NDUFA5: variants seen among roughly 807,000 people sequenced by gnomAD.
NDUFA5 encodes the protein NADH dehydrogenase [ubiquinone] 1 alpha subcomplex subunit 5.
In NDUFA5, 11 loss-of-function variants were observed where a neutral mutation model predicts 19.8. That is an observed-to-expected ratio of 0.56 (90% CI 0.35 to 0.92). The LOEUF is 0.92. NDUFA5 is among the 40% of genes least tolerant of loss of function. The pLI is 0.01. For synonymous variants in NDUFA5, 47 were observed against 46.8 expected (o/e 1.00, Z -0.01); for missense variants, 109 against 134.2 (o/e 0.81, Z 0.93).
the NDUFA5 span, chr7:123,567,149 T>G: frequency 1.3e-5 from 2 of 149,492 alleles, no homozygotes; most frequent in African/African-American, 4.9e-5. Flanking sequence ...CCAATCCTTT[T>G]GCAGAGGGGC....
chr7:123,576,304 A>T, the NDUFA5 span, among the ~76,000 whole-genome samples: 1 of 151,014 alleles, frequency 6.6e-6, no homozygotes, highest in African/African-American at 2.4e-5. Flanking sequence ...TTGCATTTGT[A>T]CTTTTTACTC....
At chr7:123,568,818 C>A in the NDUFA5 span, among the ~76,000 whole-genome samples, 2 of 151,608 alleles carry the variant, frequency 1.3e-5, no homozygotes, top group Non-Finnish European at 2.9e-5. Flanking sequence ...AAATGAATAC[C>A]TTAACATAAT....
chr7:123,550,742 T>C (rs1798308421), intron 2 of NDUFA5, among the ~76,000 whole-genome samples, 156 bp from the exon 3 acceptor site: 1 of 151,162 alleles, frequency 6.6e-6, no homozygotes, highest in African/African-American at 2.4e-5. Flanking sequence ...GACTTCTTTA[T>C]GTCTGTGCCC....
At chr7:123,542,457 TA>T (rs1372310653) in intron 4 of NDUFA5, among the ~76,000 whole-genome samples, 2 of 152,202 alleles carry the variant, frequency 1.3e-5, no homozygotes, top group African/African-American at 2.4e-5. Flanking sequence ...CTATAGTGTT[TA>T]AAAGTTTAGC....
intron 3 of NDUFA5, among the ~76,000 whole-genome samples, chr7:123,547,396 C>CT (rs886591291): frequency 8.3e-4 from 122 of 147,570 alleles, no homozygotes; most frequent in African/African-American, 2.5e-3. Flanking sequence ...TCAGTTTTTA[C>CT]TTTTTTTTTT....
chr7:123,556,893 T>C (rs766844355), intron 2 of NDUFA5: 12 of 512,288 alleles, frequency 2.3e-5, no homozygotes, highest in South Asian at 1.1e-4. Flanking sequence ...ATAACTCTTT[T>C]GAGTTATCTG....
At chr7:123,569,330 G>A in the NDUFA5 span, among the ~76,000 whole-genome samples, 4 of 152,080 alleles carry the variant, frequency 2.6e-5, no homozygotes, top group African/African-American at 4.8e-5. Flanking sequence ...GCATAAAGGA[G>A]TTTGAGCTAA....
chr7:123,538,090 G>C lies in NDUFA5; in HGVS notation c.*4029C>G, dbSNP rs1417624897. On this transcript the variant is annotated 3_prime_UTR_variant, in exon 5 of 5. Coordinates refer to ENST00000355749, the MANE Select transcript of NDUFA5 (RefSeq NM_005000.5). ...ACAGTCAAAAAAAAATTTAACCTTG[G>C]TTGTTTCTTTTTTTTTATTCCTATG... 1 of 151,976 alleles carries C rather than the reference G, an allele frequency of 6.6e-6. No homozygotes were observed. The highest frequency in any genetic ancestry group is 2.4e-5 in the African/African-American group (1 of 41,396). 9.4% of individuals were successfully genotyped at this position (151,976 alleles called of 1,614,324 possible). A position where few individuals can be genotyped will look rare whatever the true frequency, so the allele number is the denominator to read the frequency against.
Position 123,539,954 on chromosome 7 carries a change from A to G in NDUFA5, c.*2165T>C, listed in dbSNP as rs1013469862. 1 of 152,220 alleles carries G rather than the reference A, an allele frequency of 6.6e-6. No homozygotes were observed. Among genetic ancestry groups the G allele is most frequent in the East Asian group, 1.9e-4 (1 of 5,194 alleles). 9.4% of individuals were successfully genotyped at this position (152,220 alleles called of 1,614,324 possible). On this transcript the variant is annotated 3_prime_UTR_variant, in exon 5 of 5. Transcript: ENST00000355749. Reference sequence around the variant, plus strand: ...CCCAAGCATATTCATAAATAATAATATAACAGGAGCATCAGTTCTAGAACC... The same window carrying G: ...CCCAAGCATATTCATAAATAATAATGTAACAGGAGCATCAGTTCTAGAACC...
intron 4 of NDUFA5, among the ~76,000 whole-genome samples, chr7:123,544,966 G>A (rs983176771): frequency 6.6e-6 from 1 of 151,752 alleles, no homozygotes; most frequent in Non-Finnish European, 1.5e-5. Context: ...TTGTTCTCTT[G>A]TATAAGCAGC....
the NDUFA5 span, among the ~76,000 whole-genome samples, chr7:123,564,421 C>A: frequency 6.6e-6 from 1 of 152,136 alleles, no homozygotes; most frequent in Non-Finnish European, 1.5e-5. Context: ...TTGCAATCCA[C>A]AAGGCCCTGC....
chr7:123,552,636 TAAAAAAAA>T (rs774901648), intron 2 of NDUFA5, among the ~76,000 whole-genome samples: 3 of 67,416 alleles, frequency 4.4e-5, no homozygotes, highest in African/African-American at 1.6e-4. Flanking sequence ...AAAGTATAAC[TAAAAAAAA>T]AAAAAAAAAA....
At chr7:123,595,081 C>T in the NDUFA5 span, among the ~76,000 whole-genome samples, 1 of 152,182 alleles carries the variant, frequency 6.6e-6, no homozygotes, top group Non-Finnish European at 1.5e-5. Flanking sequence ...TAGCAGCAAG[C>T]AAGGCTCCGT....
chr7:123,559,343 A>C (rs940357840), upstream of NDUFA5, among the ~76,000 whole-genome samples: 8 of 151,984 alleles, frequency 5.3e-5, no homozygotes, highest in African/African-American at 1.9e-4. Flanking sequence ...CCAGAAGGAA[A>C]AGCACAGGTC....
the NDUFA5 span, among the ~76,000 whole-genome samples, chr7:123,577,485 T>C: frequency 1.3e-5 from 2 of 152,186 alleles, no homozygotes; most frequent in South Asian, 4.1e-4. Context: ...GCTTTTATTA[T>C]AGCTTCAGTT....
the NDUFA5 span, among the ~76,000 whole-genome samples, chr7:123,571,915 A>G: frequency 6.6e-6 from 1 of 151,838 alleles, no homozygotes; most frequent in African/African-American, 2.4e-5. Flanking sequence ...CACCACAGGC[A>G]TGCACCATCA....
the NDUFA5 span, among the ~76,000 whole-genome samples, chr7:123,586,773 C>G: frequency 6.6e-6 from 1 of 151,624 alleles, no homozygotes; most frequent in African/African-American, 2.4e-5. Context: ...ATGTGGATAT[C>G]CAGTTTTCCC....
chr7:123,586,732 A>G, the NDUFA5 span, among the ~76,000 whole-genome samples: 5 of 151,576 alleles, frequency 3.3e-5, no homozygotes, highest in Admixed American at 6.6e-5. Context: ...TAATTTTTGT[A>G]TATGGTGTAA....
intron 4 of NDUFA5, among the ~76,000 whole-genome samples, chr7:123,543,832 C>T (rs1350321220): frequency 6.6e-6 from 1 of 152,022 alleles, no homozygotes; most frequent in African/African-American, 2.4e-5. Flanking sequence ...GTATCTAGTA[C>T]CACAGCCAAC....
Sources: gnomAD v4.1 joint callset for allele counts (sites outside exome capture counted in the v4.1 genomes callset) on GRCh38, gnomAD v4.1.1 for gene constraint, MANE v1.5 for transcripts, NCBI Gene and HGNC (gene_info 2026-07-23, HGNC 2026-07-21) for gene names.